Variants in ZNG1A observed in about 807,000 individuals in gnomAD.
ZNG1A encodes the protein Zn regulated GTPase metalloprotein activator 1A.
the ZNG1A span, chr9:146,875 C>G: frequency 1.3e-5 from 2 of 151,716 alleles, no homozygotes; most frequent in Non-Finnish European, 2.9e-5. Flanking sequence ...AACATAAGCC[C>G]AGAAAACCAC....
chr9:176,835 T>C, the ZNG1A span, among the ~76,000 whole-genome samples: 2,223 of 149,930 alleles, frequency 0.015, 39 homozygotes, highest in African/African-American at 0.049. Flanking sequence ...TTTTTAACCA[T>C]ATTATGAAAA....
At chr9:174,658 T>C in the ZNG1A span, among the ~76,000 whole-genome samples, 1 of 150,756 alleles carries the variant, frequency 6.6e-6, no homozygotes, top group Non-Finnish European at 1.5e-5. Context: ...AGAAATCGAA[T>C]ATAACTGGCT....
chr9:145,441 C>G, the ZNG1A span, among the ~76,000 whole-genome samples: 9 of 150,246 alleles, frequency 6.0e-5, no homozygotes, highest in African/African-American at 2.2e-4. Context: ...AGTAAACTAT[C>G]GCAAGAACAA....
the ZNG1A span, among the ~76,000 whole-genome samples, chr9:170,116 C>A: frequency 1.4e-5 from 2 of 146,298 alleles, no homozygotes; most frequent in Non-Finnish European, 3.0e-5. Flanking sequence ...ACTAAGCCCA[C>A]AATATCCCTG....
At chr9:143,029 A>C in the ZNG1A span, among the ~76,000 whole-genome samples, 63,343 of 143,134 alleles carry the variant, frequency 0.44, 14,987 homozygotes, top group Middle Eastern at 0.53. Context: ...CAATAACAGG[A>C]TCTGAAATTG....
the ZNG1A span, among the ~76,000 whole-genome samples, chr9:163,418 AT>A: frequency 1.4e-4 from 21 of 148,110 alleles, no homozygotes; most frequent in East Asian, 7.8e-4. Context: ...CCTACAAAGC[AT>A]TTTTTTTTTT....
At chr9:157,384 C>T in the ZNG1A span, among the ~76,000 whole-genome samples, 2 of 134,542 alleles carry the variant, frequency 1.5e-5, no homozygotes, top group South Asian at 2.6e-4. Flanking sequence ...CCCTCATTAC[C>T]TCAAACCTCA....
chr9:171,548 T>C, the ZNG1A span: 2 of 155,506 alleles, frequency 1.3e-5, no homozygotes, highest in Non-Finnish European at 2.9e-5. Flanking sequence ...TTTCCTGTCA[T>C]GATTCCCTTA....
the ZNG1A span, chr9:172,310 T>G: frequency 3.0e-5 from 32 of 1,066,762 alleles, no homozygotes; most frequent in Admixed American, 7.5e-5. Flanking sequence ...ACTTCTAACC[T>G]TCTAACAAAA....
the ZNG1A span, among the ~76,000 whole-genome samples, chr9:128,408 G>A: frequency 2.8e-4 from 43 of 151,762 alleles, no homozygotes; most frequent in African/African-American, 7.3e-4. Context: ...TATTGGATTC[G>A]GTTAATTAGG....
the ZNG1A span, among the ~76,000 whole-genome samples, chr9:133,886 C>T: frequency 6.6e-5 from 10 of 150,790 alleles, 1 homozygote; most frequent in Admixed American, 1.3e-4. Context: ...TGCAAGGCAT[C>T]GTAACCGCCA....
At chr9:161,121 C>A in the ZNG1A span, among the ~76,000 whole-genome samples, 1 of 151,960 alleles carries the variant, frequency 6.6e-6, no homozygotes, top group Non-Finnish European at 1.5e-5. Flanking sequence ...CCTGACATAT[C>A]CCCTTAGAGC....
At chr9:144,518 T>G in the ZNG1A span, among the ~76,000 whole-genome samples, 2 of 152,124 alleles carry the variant, frequency 1.3e-5, no homozygotes, top group Non-Finnish European at 2.9e-5. Flanking sequence ...ACCAGATCCC[T>G]TCCTTACACC....
chr9:128,855 C>T, the ZNG1A span, among the ~76,000 whole-genome samples: 797 of 150,704 alleles, frequency 5.3e-3, 1 homozygote, highest in Non-Finnish European at 8.8e-3. Context: ...CAGATTCTTT[C>T]GTCCTACGGG....
At chr9:171,530 G>C in the ZNG1A span, 1 of 154,792 alleles carries the variant, frequency 6.5e-6, no homozygotes, top group Non-Finnish European at 1.4e-5. Context: ...CCATAGTAGA[G>C]TTCAGAGTTT....
the ZNG1A span, chr9:135,060 T>C: frequency 7.9e-6 from 5 of 629,080 alleles, no homozygotes; most frequent in Non-Finnish European, 1.4e-5. Flanking sequence ...AATTCAGAGA[T>C]GAATACACTT....
chr9:175,092 T>C, the ZNG1A span, among the ~76,000 whole-genome samples: 1 of 152,126 alleles, frequency 6.6e-6, no homozygotes. Context: ...AAAAAAACAT[T>C]TTTTCGCCAG....
the ZNG1A span, chr9:166,813 C>T: frequency 2.2e-3 from 323 of 147,522 alleles, no homozygotes; most frequent in African/African-American, 8.0e-3. Flanking sequence ...AGAAAGGCTT[C>T]AGATGATCAC....
chr9:124,085 G>C, the ZNG1A span, among the ~76,000 whole-genome samples: 2 of 152,118 alleles, frequency 1.3e-5, no homozygotes, highest in African/African-American at 2.4e-5. Flanking sequence ...TGCCCTCTTT[G>C]GCTTTAGTAA....
Sources: allele counts gnomAD v4.1 joint callset (sites outside exome capture counted in the v4.1 genomes callset), GRCh38; gene constraint gnomAD v4.1.1; transcripts MANE v1.5; gene names NCBI Gene and HGNC (gene_info 2026-07-23, HGNC 2026-07-21).